Variants in KCNIP1 observed in about 807,000 individuals in gnomAD.
The protein encoded by KCNIP1 is potassium voltage-gated channel interacting protein 1.
In KCNIP1, 18 loss-of-function variants were observed where a neutral mutation model predicts 33.0. The ratio of observed to expected loss-of-function variants is 0.55; its 90% CI spans 0.38 to 0.81. The LOEUF (loss-of-function observed/expected upper bound fraction) is 0.81. Among genes scored for constraint, KCNIP1 ranks in the 30% least tolerant of loss-of-function variants. KCNIP1 has a pLI of 0.00. For synonymous variants in KCNIP1, 93 were observed against 98.3 expected, an observed-to-expected ratio of 0.95 and a Z score of 0.32; for missense variants, 238 against 271.6, an observed-to-expected ratio of 0.88 and a Z score of 0.87.
At chr5:170,696,731 G>C (rs991738730) in intron 1 of KCNIP1, among the ~76,000 whole-genome samples, 1 of 152,124 alleles carries the variant, frequency 6.6e-6, no homozygotes, top group Admixed American at 6.6e-5. Flanking sequence ...GTCATGTTGG[G>C]GGAACAGCAA....
intron 1 of KCNIP1, among the ~76,000 whole-genome samples, chr5:170,468,675 G>A (rs901023191): frequency 4.0e-5 from 6 of 151,726 alleles, no homozygotes; most frequent in Non-Finnish European, 7.4e-5. Context: ...GAGCCCAGGA[G>A]TTTGAGGCCA....
At chr5:170,533,978 T>A (rs1294827127) in intron 1 of KCNIP1, among the ~76,000 whole-genome samples, 1 of 152,202 alleles carries the variant, frequency 6.6e-6, no homozygotes, top group Admixed American at 6.5e-5. Context: ...TTCATTCAGT[T>A]TGGCACCAGA....
At chr5:170,553,074 G>C (rs912784836) in intron 1 of KCNIP1, among the ~76,000 whole-genome samples, 1 of 152,230 alleles carries the variant, frequency 6.6e-6, no homozygotes. Flanking sequence ...GCCCGTGCCT[G>C]GGGGAGAGAG....
Position 170,383,732 on chromosome 5 carries a change from C to T in KCNIP1, c.88+29768C>T, listed in dbSNP as rs181235920. On this transcript the variant is annotated intron_variant, in intron 1 of 7. Transcript: ENST00000377360. ...GTGTGGTACAGCACAGCCCACCTGC[C>T]GGCAGCTGACACGTTGACCCACAGG... is the stretch of plus-strand genomic sequence containing the variant. The T allele has an allele frequency of 1.1e-5, 17 of 1,614,162 alleles. No homozygotes were observed. The East Asian group carries it at 1.1e-4, about 11-fold the overall frequency.
chr5:170,712,306 A>G (rs557318693), intron 1 of KCNIP1, among the ~76,000 whole-genome samples: 36 of 152,368 alleles, frequency 2.4e-4, no homozygotes, highest in African/African-American at 8.7e-4. Flanking sequence ...AGAAAGAATC[A>G]AAAACTTGTA....
At chr5:170,561,216 A>T (rs888361251) in intron 1 of KCNIP1, 2 of 430,434 alleles carry the variant, frequency 4.6e-6, no homozygotes, top group Non-Finnish European at 9.4e-6. Context: ...TTTAAATGTC[A>T]ATTAGAAAGT....
At chr5:170,498,450 A>T (rs1757352288) in intron 1 of KCNIP1, among the ~76,000 whole-genome samples, 1 of 152,126 alleles carries the variant, frequency 6.6e-6, no homozygotes, top group South Asian at 2.1e-4. Context: ...GTCCTATGTC[A>T]TCACTTCACT....
At chr5:170,525,010 C>T (rs989975719) in intron 1 of KCNIP1, among the ~76,000 whole-genome samples, 16 of 152,192 alleles carry the variant, frequency 1.1e-4, no homozygotes, top group South Asian at 8.3e-4. Flanking sequence ...GGACATTTGA[C>T]GGTGGCAGCG....
chr5:170,518,920 G>A (rs1208498764), intron 1 of KCNIP1, among the ~76,000 whole-genome samples: 1 of 152,170 alleles, frequency 6.6e-6, no homozygotes, highest in African/African-American at 2.4e-5. Context: ...TGGCTCTGGA[G>A]ATGTTCTTCT....
At chr5:170,691,810 C>T (rs1762728703) in intron 1 of KCNIP1, among the ~76,000 whole-genome samples, 1 of 152,116 alleles carries the variant, frequency 6.6e-6, no homozygotes, top group Non-Finnish European at 1.5e-5. Flanking sequence ...CACTTCCCTC[C>T]AGGCACCAGT....
intron 1 of KCNIP1, among the ~76,000 whole-genome samples, chr5:170,523,041 C>T (rs908968720): frequency 2.0e-5 from 3 of 152,174 alleles, no homozygotes; most frequent in African/African-American, 4.8e-5. Flanking sequence ...GCTACTGCTC[C>T]GAGTTGATAG....
intron 1 of KCNIP1, among the ~76,000 whole-genome samples, chr5:170,435,213 G>A (rs1755833668): frequency 6.6e-6 from 1 of 152,224 alleles, no homozygotes; most frequent in African/African-American, 2.4e-5. Context: ...GCTTTTTCTA[G>A]GTGAAATTTT....
chr5:170,612,654 G>T lies in KCNIP1; in HGVS notation c.62-106104G>T, dbSNP rs1198042845. Among the ~76,000 whole-genome samples, 6 of 151,600 alleles carry T rather than the reference G, an allele frequency of 4.0e-5. No homozygotes were observed. The South Asian group carries it at 1.2e-3, about 31-fold the overall frequency. Reference sequence around the variant, plus strand: ...TGGAGTAAATTGGTTTAATGGAGTGGAGTCCCGTTGTCATGGTGGCAGGAG... The same window carrying T: ...TGGAGTAAATTGGTTTAATGGAGTGTAGTCCCGTTGTCATGGTGGCAGGAG... On this transcript the variant is annotated intron_variant, in intron 1 of 7. Coordinates refer to ENST00000328939, the MANE Select transcript of KCNIP1 (RefSeq NM_014592.4).
chr5:170,378,676 A>T, intron 1 of KCNIP1: 1 of 1,576,126 alleles, frequency 6.3e-7, no homozygotes. Flanking sequence ...CTGTGCCCTG[A>T]CAAGTGGTAT....
chr5:170,362,871 TGCAAAACTCA>T (rs1763552447), intron 1 of KCNIP1, among the ~76,000 whole-genome samples: 1 of 152,208 alleles, frequency 6.6e-6, no homozygotes. Context: ...GCTCGGTGTC[TGCAAAACTCA>T]GCTTGGAGCC....
At position 170,699,784 on chromosome 5, in the gene KCNIP1, C is replaced by A. The variant is rs1272933705; in HGVS notation, c.62-18974C>A. Among the ~76,000 whole-genome samples, 4 of 152,146 alleles carry A rather than the reference C, an allele frequency of 2.6e-5. No homozygotes were observed. The East Asian group carries it at 7.8e-4, about 30-fold the overall frequency. ...ACACACTTCCTTCCCCTTCCCATGA[C>A]TTGTAGGGAGTCTAGGGTCTCAGGC... On this transcript the variant is annotated intron_variant, in intron 1 of 7. Coordinates refer to ENST00000328939, the MANE Select transcript of KCNIP1 (RefSeq NM_014592.4).
intron 1 of KCNIP1, among the ~76,000 whole-genome samples, chr5:170,444,567 G>A (rs1756065229): frequency 6.6e-6 from 1 of 152,132 alleles, no homozygotes; most frequent in South Asian, 2.1e-4. Flanking sequence ...GATGTCTTTA[G>A]AGGGCCACTG....
intron 1 of KCNIP1, among the ~76,000 whole-genome samples, chr5:170,679,817 C>T (rs1041471600): frequency 1.3e-5 from 2 of 151,730 alleles, no homozygotes; most frequent in Admixed American, 1.3e-4. Context: ...CATGGTACTC[C>T]TTTTATGTAT....
intron 1 of KCNIP1, among the ~76,000 whole-genome samples, chr5:170,457,210 A>C (rs1756402045): frequency 6.6e-6 from 1 of 150,780 alleles, no homozygotes; most frequent in Non-Finnish European, 1.5e-5. Context: ...TCTTAGAAAG[A>C]CACAAACTAC....
Sources: allele counts gnomAD v4.1 joint callset (sites outside exome capture counted in the v4.1 genomes callset), GRCh38; gene constraint gnomAD v4.1.1; transcripts MANE v1.5; gene names NCBI Gene and HGNC (gene_info 2026-07-23, HGNC 2026-07-21).